ABCA13: variants seen among roughly 807,000 people sequenced by gnomAD.
The protein encoded by ABCA13 is ATP binding cassette subfamily A member 13.
A neutral mutation model predicts 478.7 loss-of-function variants in ABCA13; 476 were observed. That is an observed-to-expected ratio of 0.99 (90% CI 0.92 to 1.07). The LOEUF is 1.07. Among genes scored for constraint, ABCA13 ranks in the 50% least tolerant of loss-of-function variants. ABCA13 has a pLI of 0.00. For missense variants in ABCA13, 6,060 were observed against 5,910.6 expected, an observed-to-expected ratio of 1.03 and a Z score of -0.83; for synonymous variants, 2,252 against 2,158.9, an observed-to-expected ratio of 1.04 and a Z score of -1.20.
At chr7:48,604,282 T>G (rs2131501613) in intron 58 of ABCA13, among the ~76,000 whole-genome samples, 1 of 152,240 alleles carries the variant, frequency 6.6e-6, no homozygotes, top group South Asian at 2.1e-4. Context: ...GCTTTTGAAT[T>G]TGTTTGCTCT....
Position 48,489,343 on chromosome 7 carries a change from C to A in ABCA13, c.13290C>A (p.Tyr4430Ter). ...HLPPTVDWRQ[Y>*]GITLYSHPYG... ...CCCCTACTGTGGACTGGAGACAATA[C>A]GGTAATGTTATTTTTCATGCATTGT... is the stretch of plus-strand genomic sequence containing the variant. The change falls in exon 48 of 62, where the codon TAC becomes TAA. Residue 4430 changes from tyrosine to a stop codon, truncating the protein, a stop_gained and splice_region_variant. Coordinates refer to ENST00000435803, the MANE Select transcript of ABCA13 (RefSeq NM_152701.5). LOFTEE classifies it high-confidence loss of function. 2 of 1,583,876 alleles carry A rather than the reference C, an allele frequency of 1.3e-6. No individual in the cohort carries two copies. Among genetic ancestry groups the A allele is most frequent in the African/African-American group, 1.3e-5 (1 of 74,100 alleles).
In ABCA13 at chr7:48,645,025, A is replaced by T. The variant is rs369668688; in HGVS notation, c.15081+271A>T. Reference sequence around the variant, plus strand: ...TAAATCATGTCACGTTAACCTTCCTATCTCCACCTTACTCAGCCCCACAAG... The same window carrying T: ...TAAATCATGTCACGTTAACCTTCCTTTCTCCACCTTACTCAGCCCCACAAG... On this transcript the variant is annotated intron_variant, in intron 61 of 61. Coordinates refer to ENST00000435803, the MANE Select transcript of ABCA13 (RefSeq NM_152701.5). Among the ~76,000 whole-genome samples, 3 of 152,156 alleles carry T rather than the reference A, an allele frequency of 2.0e-5. No homozygotes were observed. In the South Asian group the frequency reaches 6.2e-4, roughly 31 times the overall value.
intron 48 of ABCA13, among the ~76,000 whole-genome samples, chr7:48,499,967 CAA>C: frequency 6.6e-6 from 1 of 152,302 alleles, no homozygotes; most frequent in Non-Finnish European, 1.5e-5. Context: ...GCAAGGGTAT[CAA>C]AGACTACAAA....
chr7:48,411,390 C>T (rs555548745), intron 40 of ABCA13, among the ~76,000 whole-genome samples: 2 of 151,162 alleles, frequency 1.3e-5, no homozygotes, highest in South Asian at 4.2e-4. Context: ...TTCACTGCAA[C>T]CTCCCGTTCC....
intron 3 of ABCA13, among the ~76,000 whole-genome samples, chr7:48,217,478 T>C (rs945061509): frequency 1.3e-5 from 2 of 152,208 alleles, no homozygotes; most frequent in Non-Finnish European, 2.9e-5. Flanking sequence ...CCTGCTTATT[T>C]ACACAGTGCT....
rs200720772 is a variant in ABCA13 at position 48,297,243 on chromosome 7, G to T, written c.9131G>T (p.Ser3044Ile). 1.2e-6 allele frequency: 2 copies of T among 1,605,132 alleles called. No homozygotes were observed. The highest frequency in any genetic ancestry group is 1.7e-6 in the Non-Finnish European group (2 of 1,175,726). The change falls in exon 22 of 62, where the codon AGC (serine) becomes ATC (isoleucine). Residue 3044 changes from serine to isoleucine, a missense_variant. By Grantham distance (142) the Ser-to-Ile change is moderately radical. Around this residue, in one of 3 missense-constraint regions of ABCA13, gnomAD observed 4,423 missense variants for 4,309.1 expected, o/e 1.03. Coordinates refer to ENST00000435803, the MANE Select transcript of ABCA13 (RefSeq NM_152701.5). The part of the protein sequence containing the change: ...VQQHLYMLAK[S>I]LEETWSSGNP... ...TTCTGCCATTTTAGGTTGGCCAAAAGCCTCGAGGAAACTTGGTCATCAGGG... is the reference window on the plus strand; with the variant it reads ...TTCTGCCATTTTAGGTTGGCCAAAATCCTCGAGGAAACTTGGTCATCAGGG...
chr7:48,378,860 T>A (rs972843460), intron 35 of ABCA13, among the ~76,000 whole-genome samples: 26 of 152,232 alleles, frequency 1.7e-4, no homozygotes, highest in Admixed American at 1.7e-3. Flanking sequence ...TAATGAGTTA[T>A]GATTCCCAGA....
chr7:48,268,193 G>C (rs1451444312), intron 15 of ABCA13, among the ~76,000 whole-genome samples: 1 of 152,050 alleles, frequency 6.6e-6, no homozygotes, highest in African/African-American at 2.4e-5. Context: ...GTCTCGCTCT[G>C]TCACCCAGGC....
intron 24 of ABCA13, among the ~76,000 whole-genome samples, chr7:48,311,889 A>G (rs1232171082): frequency 6.6e-6 from 1 of 152,214 alleles, no homozygotes; most frequent in South Asian, 2.1e-4. Flanking sequence ...ACAGTTTGCT[A>G]TATTAATTCG....
At chr7:48,435,113 A>G (rs567742556) in intron 42 of ABCA13, among the ~76,000 whole-genome samples, 95 of 151,998 alleles carry the variant, frequency 6.3e-4, no homozygotes, top group African/African-American at 2.2e-3. Context: ...TATCTCAAAA[A>G]TATTAAGTTT....
intron 19 of ABCA13, among the ~76,000 whole-genome samples, chr7:48,282,685 C>G (rs1562963068): frequency 6.6e-6 from 1 of 152,144 alleles, no homozygotes; most frequent in Non-Finnish European, 1.5e-5. Flanking sequence ...ATTTCGATTA[C>G]TATCAGGTTG....
intron 42 of ABCA13, among the ~76,000 whole-genome samples, chr7:48,440,419 A>C (rs562581638): frequency 6.6e-6 from 1 of 152,232 alleles, no homozygotes; most frequent in Admixed American, 6.5e-5. Context: ...TCATCTATGT[A>C]ATTGCTTGTG....
At position 48,276,068 on chromosome 7, in the gene ABCA13, A is replaced by C; in HGVS notation, c.6402A>C (p.Ala2134=). 6.2e-7 allele frequency: 1 copy of C among 1,606,130 alleles called. No homozygotes were observed. The highest frequency in any genetic ancestry group is 8.5e-7 in the Non-Finnish European group (1 of 1,175,812). ...LVTKNWLQEY[A]NEDYSRMIET... ...CAAAAAACTGGCTTCAGGAATATGC[A>C]AATGAGGATTACTCCAGAATGATAG... Residue 2134 remains alanine, a synonymous_variant, in exon 17 of 62, where the codon GCA becomes GCC. Transcript: ENST00000435803.
Position 48,274,579 on chromosome 7 carries a change from T to C in ABCA13, c.4913T>C (p.Val1638Ala), listed in dbSNP as rs759377097. ...TGLGIQLIRD[V>A]FNSLMPVVHH... ...CTTGGTATTCAACTGATAAGGGATG[T>C]GTTCAACTCCTTAATGCCTGTAGTT... The change falls in exon 17 of 62, where the codon GTG (valine) becomes GCG (alanine). Residue 1638 changes from valine (V) to alanine (A), a missense_variant. Transcript: ENST00000435803. 3 of 1,613,950 alleles carry C rather than the reference T, an allele frequency of 1.9e-6. No homozygotes were observed. The South Asian group carries it at 3.3e-5, about 18-fold the overall frequency.
At chr7:48,207,486 G>A (rs1304059893) in intron 3 of ABCA13, among the ~76,000 whole-genome samples, 5 of 152,084 alleles carry the variant, frequency 3.3e-5, no homozygotes, top group Non-Finnish European at 7.4e-5. Flanking sequence ...TTTAATAAAA[G>A]CCATTTTAAC....
chr7:48,281,293 G>C (rs1369266481), intron 18 of ABCA13, 50 bp from the exon 19 acceptor site: 2 of 1,459,286 alleles, frequency 1.4e-6, no homozygotes, highest in Admixed American at 3.9e-5. Context: ...GATGCACATG[G>C]GTTGCACATT....
intron 59 of ABCA13, among the ~76,000 whole-genome samples, chr7:48,621,959 C>G (rs1296869888): frequency 6.6e-6 from 1 of 152,140 alleles, no homozygotes; most frequent in Non-Finnish European, 1.5e-5. Flanking sequence ...ATTGATTTCC[C>G]AGAAGGACAG....
intron 58 of ABCA13, 149 bp downstream of exon 58, chr7:48,594,962 G>A: frequency 1.4e-6 from 1 of 706,002 alleles, no homozygotes; most frequent in Non-Finnish European, 2.3e-6. Flanking sequence ...AGCCCTCATT[G>A]TATAAATTGA....
chr7:48,495,775 A>G (rs574109810), intron 48 of ABCA13, among the ~76,000 whole-genome samples: 1 of 152,152 alleles, frequency 6.6e-6, no homozygotes, highest in African/African-American at 2.4e-5. Context: ...ATGGTCACAT[A>G]TTTCTGGTGG....
Sources: gnomAD v4.1 joint callset for allele counts (sites outside exome capture counted in the v4.1 genomes callset) on GRCh38, gnomAD v4.1.1 for gene constraint, gnomAD v4.1.1 regional missense constraint, MANE v1.5 for transcripts, NCBI Gene and HGNC (gene_info 2026-07-23, HGNC 2026-07-21) for gene names.